Variants in DPP10 observed in about 807,000 individuals in gnomAD.
The protein encoded by DPP10 is dipeptidyl peptidase like 10.
A neutral mutation model predicts 120.9 loss-of-function variants in DPP10; 33 were observed. The observed-to-expected ratio is 0.27, with a 90% CI of 0.21 to 0.37. The LOEUF is 0.37. Among genes scored for constraint, DPP10 ranks in the 10% least tolerant of loss-of-function variants. The pLI, the probability that DPP10 is intolerant of heterozygous loss-of-function variation, is 1.00. For missense variants in DPP10, 816 were observed against 942.8 expected (o/e 0.87, Z 1.76); for synonymous variants, 337 against 326.1 (o/e 1.03, Z -0.36).
At chr2:115,596,679 G>T (rs1372760788) in intron 5 of DPP10, among the ~76,000 whole-genome samples, 1 of 152,092 alleles carries the variant, frequency 6.6e-6, no homozygotes, top group East Asian at 1.9e-4. Flanking sequence ...GAGTACAAAG[G>T]TAAAACATTT....
chr2:114,724,637 A>G (rs941990790), intron 1 of DPP10, among the ~76,000 whole-genome samples: 4 of 152,220 alleles, frequency 2.6e-5, no homozygotes, highest in African/African-American at 9.7e-5. Flanking sequence ...TTTTAGCATT[A>G]AAACAAGCTG....
rs557349954 is a variant in DPP10 at position 114,526,306 on chromosome 2, C to T, written c.60+83468C>T. 5.3e-5 allele frequency among the ~76,000 whole-genome samples: 8 copies of T among 152,238 alleles called. No individual in the cohort carries two copies. In the South Asian group the frequency reaches 6.2e-4, roughly 12 times the overall value. ...AAATATGGGCTCCTTGCTTGTTTCC[C>T]GTTCTGTTTTTATTGACGATTGGGG... On this transcript the variant is annotated intron_variant, in intron 1 of 25. Coordinates refer to ENST00000410059, the MANE Select transcript of DPP10 (RefSeq NM_020868.6).
chr2:114,442,994 T>C (rs774459875), intron 1 of DPP10, among the ~76,000 whole-genome samples, 156 bp downstream of exon 1: 11 of 152,152 alleles, frequency 7.2e-5, no homozygotes, highest in Admixed American at 7.2e-4. Context: ...TGGCTCTGCA[T>C]GTGTGTGTAG....
chr2:114,863,026 A>G (rs1446301215), intron 1 of DPP10, among the ~76,000 whole-genome samples: 3 of 152,108 alleles, frequency 2.0e-5, no homozygotes, highest in African/African-American at 7.2e-5. Context: ...CGCAGTACAT[A>G]TGTGTTTGCC....
chr2:115,371,133 C>T (rs2065381435), intron 3 of DPP10, among the ~76,000 whole-genome samples: 1 of 151,998 alleles, frequency 6.6e-6, no homozygotes, highest in Admixed American at 6.6e-5. Context: ...TGGTATTTCC[C>T]ACAAAATTTG....
chr2:114,999,408 T>A (rs1701296180), intron 1 of DPP10, among the ~76,000 whole-genome samples: 1 of 152,188 alleles, frequency 6.6e-6, no homozygotes, highest in Non-Finnish European at 1.5e-5. Context: ...AAAATGGGAT[T>A]TCTTTTGCCA....
At chr2:115,829,987 T>A (rs916867455) in intron 21 of DPP10, among the ~76,000 whole-genome samples, 3 of 152,108 alleles carry the variant, frequency 2.0e-5, no homozygotes, top group African/African-American at 7.2e-5. Flanking sequence ...TAATTTTTTT[T>A]AAGAATTATG....
rs142504636 is a variant in DPP10, at chr2:115,457,187, A to G, written c.272-42323A>G. ...GAAGGAAAGAATAGTATTTTCAACA[A>G]ATGGTGATAGGAAAATTATATATCC... is the stretch of plus-strand genomic sequence containing the variant. On this transcript the variant is annotated intron_variant, in intron 3 of 25. Transcript: ENST00000410059. Among the ~76,000 whole-genome samples the G allele has an allele frequency of 1.6e-3, 239 of 152,216 alleles. 1 individual carries two copies. The highest frequency in any genetic ancestry group is 5.7e-3 in the African/African-American group (237 of 41,548).
At chr2:115,022,429 A>C (rs1176709533) in intron 1 of DPP10, among the ~76,000 whole-genome samples, 1 of 152,098 alleles carries the variant, frequency 6.6e-6, no homozygotes, top group Non-Finnish European at 1.5e-5. Context: ...CAAAAAAGTA[A>C]AAATACATAG....
At chr2:115,489,335 G>GC (rs1470729002) in intron 3 of DPP10, among the ~76,000 whole-genome samples, 3 of 151,364 alleles carry the variant, frequency 2.0e-5, no homozygotes, top group Non-Finnish European at 2.9e-5. Context: ...AAACCCTAAG[G>GC]CCCCCAACAG....
chr2:115,709,945 A>C (rs2149566141), intron 7 of DPP10, among the ~76,000 whole-genome samples: 1 of 152,228 alleles, frequency 6.6e-6, no homozygotes, highest in South Asian at 2.1e-4. Flanking sequence ...TGAACTCCAA[A>C]CACAATATAT....
At chr2:115,623,768 T>C (rs1325886259) in intron 5 of DPP10, among the ~76,000 whole-genome samples, 1 of 152,168 alleles carries the variant, frequency 6.6e-6, no homozygotes, top group Admixed American at 6.5e-5. Context: ...GCCTTTACCG[T>C]ATGAAATATG....
chr2:115,770,427 T>C (rs1575731468), intron 13 of DPP10, among the ~76,000 whole-genome samples: 2 of 152,144 alleles, frequency 1.3e-5, no homozygotes, highest in South Asian at 2.1e-4. Flanking sequence ...ACAGCCTTCA[T>C]TGAAGTAGAA....
chr2:115,216,679 G>A (rs2056840748), intron 1 of DPP10, among the ~76,000 whole-genome samples: 3 of 152,126 alleles, frequency 2.0e-5, no homozygotes, highest in South Asian at 4.1e-4. Flanking sequence ...AGCTACTCAG[G>A]AGGTTGAAGC....
intron 1 of DPP10, among the ~76,000 whole-genome samples, chr2:114,699,996 G>A (rs1298938165): frequency 6.6e-6 from 1 of 152,052 alleles, no homozygotes; most frequent in African/African-American, 2.4e-5. Flanking sequence ...GTGGTAGATG[G>A]ACATTAAGGC....
intron 1 of DPP10, among the ~76,000 whole-genome samples, chr2:114,978,282 A>G (rs1574619933): frequency 6.6e-6 from 1 of 152,198 alleles, no homozygotes; most frequent in Non-Finnish European, 1.5e-5. Context: ...AATATATTCT[A>G]TTATATTTTA....
intron 19 of DPP10, among the ~76,000 whole-genome samples, chr2:115,807,181 C>T (rs1477540740): frequency 6.6e-6 from 1 of 152,078 alleles, no homozygotes; most frequent in Non-Finnish European, 1.5e-5. Flanking sequence ...GAAAATTGGC[C>T]AAAGGATAAG....
chr2:115,606,326 A>T (rs1483087685), intron 5 of DPP10, among the ~76,000 whole-genome samples: 1 of 152,096 alleles, frequency 6.6e-6, no homozygotes, highest in African/African-American at 2.4e-5. Flanking sequence ...TGAAATTGCC[A>T]AAAAAAGAAT....
intron 5 of DPP10, among the ~76,000 whole-genome samples, chr2:115,541,393 G>C (rs1300643826): frequency 6.6e-6 from 1 of 151,654 alleles, no homozygotes; most frequent in African/African-American, 2.4e-5. Flanking sequence ...TTTTGTAGAG[G>C]TTATTGAGGC....
Sources: allele counts gnomAD v4.1 joint callset (sites outside exome capture counted in the v4.1 genomes callset), GRCh38; gene constraint gnomAD v4.1.1; transcripts MANE v1.5; gene names NCBI Gene and HGNC (gene_info 2026-07-23, HGNC 2026-07-21).